The following ZNF493 variants were observed in gnomAD, a reference collection of about 807,000 sequenced individuals.
ZNF493 encodes zinc finger protein 493.
A neutral mutation model predicts 12.2 loss-of-function variants in ZNF493; 11 were observed. The ratio of observed to expected loss-of-function variants is 0.90; its 90% CI spans 0.57 to 1.50. ZNF493 has a LOEUF of 1.50. ZNF493 is among the 40% of genes most tolerant of loss of function. ZNF493 has a pLI of 0.00. For synonymous variants in ZNF493, 286 were observed against 302.6 expected, an observed-to-expected ratio of 0.95 and a Z score of 0.57; for missense variants, 950 against 906.6, an observed-to-expected ratio of 1.05 and a Z score of -0.61.
In ZNF493 at chr19:21,401,089, T is replaced by C. The variant is rs2029929440; in HGVS notation, c.30+3822T>C. On this transcript the variant is annotated intron_variant, in intron 1 of 3. Transcript: ENST00000392288. Reference sequence around the variant, plus strand: ...TTCATTTTGTATGTTGGCTGTAAGTTTGTCATACTTAGATAACTCAGTATT... The same window carrying C: ...TTCATTTTGTATGTTGGCTGTAAGTCTGTCATACTTAGATAACTCAGTATT... Among the ~76,000 whole-genome samples the C allele has an allele frequency of 2.0e-5, 3 of 152,338 alleles. No individual in the cohort carries two copies. In the South Asian group the frequency reaches 6.2e-4, roughly 32 times the overall value.
chr19:21,402,340 G>A (rs914944106), intron 1 of ZNF493, among the ~76,000 whole-genome samples: 5 of 152,130 alleles, frequency 3.3e-5, no homozygotes, highest in African/African-American at 1.2e-4. Context: ...TTTCTTATTT[G>A]TTCAGTCTTT....
chr19:21,399,937 A>G (rs1414161827), intron 1 of ZNF493, among the ~76,000 whole-genome samples: 1 of 152,168 alleles, frequency 6.6e-6, no homozygotes, highest in Non-Finnish European at 1.5e-5. Flanking sequence ...TCTCTGTTCA[A>G]ATCCTGTTAT....
At chr19:21,406,337 C>A (rs555307628) in intron 3 of ZNF493, among the ~76,000 whole-genome samples, 2 of 151,980 alleles carry the variant, frequency 1.3e-5, no homozygotes, top group South Asian at 2.1e-4. Context: ...AAGCCTTTGG[C>A]ATTTTTTTGT....
intron 3 of ZNF493, among the ~76,000 whole-genome samples, chr19:21,410,435 TC>T (rs1353619413): frequency 6.6e-6 from 1 of 152,164 alleles, no homozygotes; most frequent in Non-Finnish European, 1.5e-5. Flanking sequence ...ATTGTTATTT[TC>T]GTGTGTTTCT....
At chr19:21,418,296 G>T (rs545266823) in intron 3 of ZNF493, among the ~76,000 whole-genome samples, 1 of 152,252 alleles carries the variant, frequency 6.6e-6, no homozygotes, top group East Asian at 1.9e-4. Flanking sequence ...AACCTCTTCT[G>T]TTACTTCATT....
chr19:21,414,434 A>G (rs2145291068), intron 3 of ZNF493: 1 of 152,360 alleles, frequency 6.6e-6, no homozygotes, highest in Non-Finnish European at 1.5e-5. Flanking sequence ...GTCTAGCATT[A>G]GATATTGCGT....
At chr19:21,408,818 TTATC>T (rs779828927) in intron 3 of ZNF493, 1 of 979,508 alleles carries the variant, frequency 1.0e-6, no homozygotes, top group Non-Finnish European at 1.2e-6. Flanking sequence ...GTGTGTGTGT[TTATC>T]TATAAATATG....
At position 21,405,783 on chromosome 19, in the gene ZNF493, T is replaced by C; in HGVS notation, c.180T>C (p.Asp60=). 6.2e-7 allele frequency: 1 copy of C among 1,611,870 alleles called. No homozygotes were observed. Among genetic ancestry groups the C allele is most frequent in the Admixed American group, 1.7e-5 (1 of 59,430 alleles). ...VFLGIAVSKP[D]LVTCLEQGKD... ...CAGGTATTGCTGTCTCTAAGCCAGA[T>C]CTGGTCACCTGTCTGGAGCAAGGAA... is the stretch of plus-strand genomic sequence containing the variant. The change falls in exon 3 of 4, where the codon GAT becomes GAC. Residue 60 remains aspartate (D), a synonymous_variant. Coordinates refer to ENST00000392288, the MANE Select transcript of ZNF493 (RefSeq NM_001076678.3).
At chr19:21,411,104 T>C (rs566024141) in intron 3 of ZNF493, among the ~76,000 whole-genome samples, 1 of 152,216 alleles carries the variant, frequency 6.6e-6, no homozygotes, top group African/African-American at 2.4e-5. Context: ...GTCTACGGAA[T>C]TTTTTTGTAA....
chr19:21,418,080 A>T (rs1286817369), intron 3 of ZNF493, among the ~76,000 whole-genome samples: 1 of 152,196 alleles, frequency 6.6e-6, no homozygotes, highest in Non-Finnish European at 1.5e-5. Context: ...TCCTGCCTGA[A>T]TGGAACTAAG....
At position 21,424,447 on chromosome 19, in the gene ZNF493, T is replaced by C; in HGVS notation, c.1788T>C (p.Thr596=). The change falls in exon 4 of 4, where the codon ACT becomes ACC. Residue 596 remains threonine, a synonymous_variant. Transcript: ENST00000392288. ...TTACTAAACACAAGATAATTCATAC[T>C]GATAAGAAACCCTACAAATGTGAAG... ...STLTKHKIIH[T]DKKPYKCEEC... The C allele has an allele frequency of 1.2e-6, 2 of 1,613,188 alleles. No individual in the cohort carries two copies. Among genetic ancestry groups the C allele is most frequent in the Non-Finnish European group, 1.7e-6 (2 of 1,179,670 alleles).
intron 3 of ZNF493, among the ~76,000 whole-genome samples, chr19:21,416,830 T>C (rs1403976413): frequency 6.6e-6 from 1 of 152,226 alleles, no homozygotes. Context: ...CAGTGACTCC[T>C]GTATATATTT....
At position 21,424,799 on chromosome 19, in the gene ZNF493, A is replaced by G. The variant is rs1442928095; in HGVS notation, c.2140A>G (p.Lys714Glu). The G allele has an allele frequency of 6.2e-7, 1 of 1,613,624 alleles. No homozygotes were observed. The highest frequency in any genetic ancestry group is 1.7e-5 in the Admixed American group (1 of 59,956). The change falls in exon 4 of 4, where the codon AAA becomes GAA. Residue 714 changes from lysine (K) to glutamate (E), a missense_variant. Transcript: ENST00000392288. ...AATTCATACTGGAGAGAAACCTTGC[A>G]AATGTGAAGAATGTGGCAAAGCTTT... ...KIIHTGEKPC[K>E]CEECGKAFNH...
intron 3 of ZNF493, among the ~76,000 whole-genome samples, chr19:21,418,282 A>G (rs2030553166): frequency 6.6e-6 from 1 of 152,142 alleles, no homozygotes; most frequent in South Asian, 2.1e-4. Flanking sequence ...TAAACCTGAT[A>G]TGTAACCTCT....
intron 1 of ZNF493, among the ~76,000 whole-genome samples, chr19:21,403,315 G>C (rs1191880223): frequency 1.3e-5 from 2 of 152,206 alleles, no homozygotes; most frequent in African/African-American, 2.4e-5. Flanking sequence ...CACAGGAACT[G>C]TTCCGTTTGG....
intron 1 of ZNF493, 45 bp downstream of exon 1, chr19:21,397,312 C>T (rs1292803278): frequency 6.2e-7 from 1 of 1,613,228 alleles, no homozygotes; most frequent in Non-Finnish European, 8.5e-7. Flanking sequence ...GAAGGAGTTG[C>T]TCGGAACCGG....
In ZNF493 at chr19:21,406,111, C is replaced by T. The variant is rs1223329584; in HGVS notation, c.253+255C>T. ...GTGGCAGTTGCCTGTAATCTCAGCTCCTCCGGAGGCTGAGGCAGGAGAATT... is the reference window on the plus strand; with the variant it reads ...GTGGCAGTTGCCTGTAATCTCAGCTTCTCCGGAGGCTGAGGCAGGAGAATT... On this transcript the variant is annotated intron_variant, in intron 3 of 3. Transcript: ENST00000392288. Among the ~76,000 whole-genome samples the T allele has an allele frequency of 2.6e-5, 4 of 151,800 alleles. No individual in the cohort carries two copies. The South Asian group carries it at 8.3e-4, about 32-fold the overall frequency.
At chr19:21,413,611 A>G (rs1196542422) in intron 3 of ZNF493, 3 of 414,012 alleles carry the variant, frequency 7.2e-6, no homozygotes, top group Middle Eastern at 5.6e-4. Context: ...ATCCTCCCAG[A>G]ATCTCTTCCT....
At chr19:21,415,577 G>A (rs552091564) in intron 3 of ZNF493, among the ~76,000 whole-genome samples, 1 of 152,258 alleles carries the variant, frequency 6.6e-6, no homozygotes, top group South Asian at 2.1e-4. Flanking sequence ...TCATAACATT[G>A]GAGTAATATT....
Sources: gnomAD v4.1 joint callset for allele counts (sites outside exome capture counted in the v4.1 genomes callset) on GRCh38, gnomAD v4.1.1 for gene constraint, MANE v1.5 for transcripts, NCBI Gene and HGNC (gene_info 2026-07-23, HGNC 2026-07-21) for gene names.